ZCCHC24: variants seen among roughly 807,000 people sequenced by gnomAD.
The protein encoded by ZCCHC24 is zinc finger CCHC-type containing 24, also known as zinc finger CCHC domain-containing protein 24.
ZCCHC24 carries 10 observed loss-of-function variants against 26.2 expected under a neutral mutation model. That is an observed-to-expected ratio of 0.38 (90% CI 0.24 to 0.65). The LOEUF (loss-of-function observed/expected upper bound fraction) is 0.65. Among genes scored for constraint, ZCCHC24 ranks in the 30% least tolerant of loss-of-function variants. ZCCHC24 has a pLI of 0.54. For synonymous variants in ZCCHC24, 144 were observed against 147.1 expected, an observed-to-expected ratio of 0.98 and a Z score of 0.15; for missense variants, 243 against 329.1, an observed-to-expected ratio of 0.74 and a Z score of 2.03.
chr10:79,397,815 C>CA lies in ZCCHC24; in HGVS notation c.448-3376dup, dbSNP rs1856566723. ...GGGTCAAGGTACCAGAAGGAGGGGT[C>CA]AAGTCATTCCAGGACACTGGGCAGA... On this transcript the variant is annotated intron_variant, in intron 2 of 3. Coordinates refer to ENST00000372336, the MANE Select transcript of ZCCHC24 (RefSeq NM_153367.4). Among the ~76,000 whole-genome samples, 4 of 152,260 alleles carry CA rather than the reference C, an allele frequency of 2.6e-5. No individual in the cohort carries two copies. In the South Asian group the frequency reaches 8.3e-4, roughly 32 times the overall value.
chr10:79,388,023 A>G (rs1193754446), intron 3 of ZCCHC24, among the ~76,000 whole-genome samples: 2 of 152,162 alleles, frequency 1.3e-5, no homozygotes, highest in Non-Finnish European at 2.9e-5. Context: ...CATCCTGGCC[A>G]GGGAAGAGAG....
chr10:79,392,253 T>C (rs1030114492), intron 3 of ZCCHC24, among the ~76,000 whole-genome samples: 1 of 152,112 alleles, frequency 6.6e-6, no homozygotes, highest in Non-Finnish European at 1.5e-5. Flanking sequence ...GTCACGGAAC[T>C]AGGCTGATGC....
At position 79,445,284 on chromosome 10, in the gene ZCCHC24, G is replaced by A; in HGVS notation, c.157C>T (p.Leu53=). The A allele has an allele frequency of 6.8e-7, 1 of 1,481,214 alleles. No homozygotes were observed. The highest frequency in any genetic ancestry group is 3.0e-5 in the East Asian group (1 of 33,876). The allele number at this position is 1,481,214 out of a possible 1,614,324, so 91.8% of individuals were successfully genotyped here. The stretch of plus-strand genomic sequence containing the variant: ...TCGGGGCGGCCCTTGCCGAAGGCCA[G>A]CTCCGGGGGTGCGGCGCCGGCGGTC... ...EPTAGAAPPE[L]AFGKGRPEQL... Residue 53 remains leucine (L), a synonymous_variant, in exon 1 of 4, where the codon CTG becomes TTG. Coordinates refer to ENST00000372336, the MANE Select transcript of ZCCHC24 (RefSeq NM_153367.4).
chr10:79,445,220 C>T lies in ZCCHC24; in HGVS notation c.221G>A (p.Ser74Asn). Reference sequence around the variant, plus strand: ...CTCTCCGCGCTGCAGCTGGAAGAAGCTGTTGAGATAGCTGGAGTGCAGGGG... The same window carrying T: ...CTCTCCGCGCTGCAGCTGGAAGAAGTTGTTGAGATAGCTGGAGTGCAGGGG... ...GSPLHSSYLNSFFQLQRGEAL... is the reference protein window; with the variant it reads ...GSPLHSSYLNNFFQLQRGEAL... The change falls in exon 1 of 4, where the codon AGC becomes AAC. Residue 74 changes from serine to asparagine, a missense_variant. Transcript: ENST00000372336. 7.6e-7 allele frequency: 1 copy of T among 1,318,812 alleles called. No individual in the cohort carries two copies. Among genetic ancestry groups the T allele is most frequent in the African/African-American group, 1.5e-5 (1 of 65,288 alleles). The allele number at this position is 1,318,812 out of a possible 1,614,324, so 81.7% of individuals were successfully genotyped here.
intron 2 of ZCCHC24, among the ~76,000 whole-genome samples, chr10:79,399,751 G>A (rs1856605633): frequency 6.6e-6 from 1 of 152,232 alleles, no homozygotes; most frequent in South Asian, 2.1e-4. Flanking sequence ...AGGCAGCGCT[G>A]CAGGGCGGGG....
At chr10:79,427,253 A>G (rs1857042593) in intron 2 of ZCCHC24, among the ~76,000 whole-genome samples, 1 of 152,198 alleles carries the variant, frequency 6.6e-6, no homozygotes, top group Admixed American at 6.5e-5. Context: ...GGAGGCTTAA[A>G]TATCCCCACT....
intron 3 of ZCCHC24, among the ~76,000 whole-genome samples, chr10:79,393,014 A>G (rs1391289955): frequency 2.0e-5 from 3 of 152,158 alleles, no homozygotes; most frequent in African/African-American, 7.2e-5. Flanking sequence ...CCAGGCTTCT[A>G]GGACTCCACA....
At chr10:79,414,707 C>A (rs961567495) in intron 2 of ZCCHC24, among the ~76,000 whole-genome samples, 8 of 152,188 alleles carry the variant, frequency 5.3e-5, no homozygotes, top group African/African-American at 1.9e-4. Context: ...GGTGCTTTTG[C>A]CCAGCTGCAC....
intron 2 of ZCCHC24, among the ~76,000 whole-genome samples, chr10:79,396,270 C>T (rs189233015): frequency 1.7e-4 from 26 of 152,330 alleles, no homozygotes; most frequent in African/African-American, 5.8e-4. Context: ...GACACTGGGG[C>T]TGTTTCTAAT....
intron 2 of ZCCHC24, among the ~76,000 whole-genome samples, chr10:79,416,268 G>T (rs1423883498): frequency 6.6e-6 from 1 of 152,170 alleles, no homozygotes; most frequent in Admixed American, 6.5e-5. Context: ...GTGTGGCAAG[G>T]GCAATGGGCT....
chr10:79,421,660 CTT>C (rs1037611159), intron 2 of ZCCHC24, among the ~76,000 whole-genome samples: 8 of 152,092 alleles, frequency 5.3e-5, no homozygotes, highest in East Asian at 1.9e-4. Context: ...GAGTTTCGCT[CTT>C]GTTGCCCAGG....
rs529675569 is a variant in ZCCHC24, at chr10:79,407,957, C to G, written c.448-13517G>C. 5.9e-5 allele frequency among the ~76,000 whole-genome samples: 9 copies of G among 152,326 alleles called. No individual in the cohort carries two copies. In the South Asian group the frequency reaches 1.9e-3, roughly 32 times the overall value. On this transcript the variant is annotated intron_variant, in intron 2 of 3. Transcript: ENST00000372336. The stretch of plus-strand genomic sequence containing the variant: ...TCCTGGCCCAGCCCCAAACCTGTGA[C>G]TCCTCAGCATCTGGAAACCATCACC...
chr10:79,385,583 A>AT lies in ZCCHC24; in HGVS notation c.*761_*762insA, dbSNP rs10699717. 2,209 of 152,472 alleles carry AT rather than the reference A, an allele frequency of 0.014. 29 individuals carry two copies. Among genetic ancestry groups the AT allele is most frequent in the Non-Finnish European group, 0.024 (1,635 of 68,126 alleles). The allele number at this position is 152,472 out of a possible 1,614,324, so 9.4% of individuals were successfully genotyped here. ...GACCCCCAGAGTGGGTGGGAGGCAG[A>AT]GGGGAAGGAAAGGGAGTGGGGCTGA... On this transcript the variant is annotated 3_prime_UTR_variant, in exon 4 of 4. Transcript: ENST00000372336. This position sits in a 1 kb window ranked among gnomAD's most constrained non-coding sequence, Gnocchi z 4.3.
chr10:79,394,766 C>G (rs537213640), intron 2 of ZCCHC24: 67 of 511,170 alleles, frequency 1.3e-4, no homozygotes, highest in African/African-American at 1.1e-3. Context: ...GGCAGCTGGT[C>G]TCATGGGCCT....
chr10:79,443,453 G>T (rs1857315656), intron 1 of ZCCHC24, among the ~76,000 whole-genome samples: 1 of 152,158 alleles, frequency 6.6e-6, no homozygotes, highest in African/African-American at 2.4e-5. Context: ...TGACCTGTGG[G>T]TCATGTTCAC....
intron 2 of ZCCHC24, among the ~76,000 whole-genome samples, chr10:79,401,501 G>T (rs11002959): frequency 0.84 from 127,397 of 152,220 alleles, 53,404 homozygotes; most frequent in East Asian, 0.92. Context: ...GCCACCTAAC[G>T]TGGGCTCACT....
At chr10:79,396,612 GCAC>G (rs1856550356) in intron 2 of ZCCHC24, among the ~76,000 whole-genome samples, 1 of 152,240 alleles carries the variant, frequency 6.6e-6, no homozygotes, top group Admixed American at 6.5e-5. Context: ...AACAGCGACA[GCAC>G]CACCAGCTTG....
At chr10:79,434,193 G>A (rs1487442021) in intron 1 of ZCCHC24, among the ~76,000 whole-genome samples, 1 of 152,190 alleles carries the variant, frequency 6.6e-6, no homozygotes, top group African/African-American at 2.4e-5. Context: ...CACATCGGGG[G>A]CAGGCCAGCC....
At chr10:79,430,713 C>CACACACAT (rs1589677036) in intron 2 of ZCCHC24, among the ~76,000 whole-genome samples, 1 of 135,656 alleles carries the variant, frequency 7.4e-6, no homozygotes, top group Non-Finnish European at 1.6e-5. Flanking sequence ...CACACACACA[C>CACACACAT]CCTCTGCTAT....
Sources: allele counts gnomAD v4.1 joint callset (sites outside exome capture counted in the v4.1 genomes callset), GRCh38; gene constraint gnomAD v4.1.1; non-coding constraint Gnocchi (gnomAD v3.1); transcripts MANE v1.5; gene names NCBI Gene and HGNC (gene_info 2026-07-23, HGNC 2026-07-21).